KIRREL3: variants seen among roughly 807,000 people sequenced by gnomAD.
The protein encoded by KIRREL3 is kin of IRRE-like protein 3.
A neutral mutation model predicts 89.7 loss-of-function variants in KIRREL3; 36 were observed. That is an observed-to-expected ratio of 0.40 (90% CI 0.31 to 0.53). The LOEUF is 0.53. Among genes scored for constraint, KIRREL3 ranks in the 20% least tolerant of loss-of-function variants. The pLI, the probability that KIRREL3 is intolerant of heterozygous loss-of-function variation, is 0.49. For missense variants in KIRREL3, 864 were observed against 1,056.6 expected, an observed-to-expected ratio of 0.82 and a Z score of 2.53; for synonymous variants, 445 against 441.4, an observed-to-expected ratio of 1.01 and a Z score of -0.10.
chr11:126,547,685 G>A (rs960510782), intron 2 of KIRREL3, among the ~76,000 whole-genome samples: 7 of 152,174 alleles, frequency 4.6e-5, no homozygotes, highest in Non-Finnish European at 7.3e-5. Context: ...CAGAGGGGCC[G>A]CCTGAGTGGC....
At chr11:126,937,964 G>A (rs950022426) in intron 1 of KIRREL3, among the ~76,000 whole-genome samples, 1 of 152,204 alleles carries the variant, frequency 6.6e-6, no homozygotes, top group African/African-American at 2.4e-5. Flanking sequence ...GCAGTGGGTA[G>A]AAAGGGCCAA....
intron 1 of KIRREL3, among the ~76,000 whole-genome samples, chr11:126,854,126 T>TTGTGTGTGTGTGTGTG (rs375873911): frequency 2.1e-5 from 3 of 143,922 alleles, no homozygotes; most frequent in African/African-American, 5.2e-5. Flanking sequence ...AATAAGTTTC[T>TTGTGTGTGTGTGTGTG]TGTGTGTGTG....
At position 126,492,143 on chromosome 11, in the gene KIRREL3, C is replaced by T. The variant is rs1284424943; in HGVS notation, c.434-18677G>A. 6.6e-6 allele frequency among the ~76,000 whole-genome samples: 1 copy of T among 152,164 alleles called. No homozygotes were observed. Among genetic ancestry groups the T allele is most frequent in the African/African-American group, 2.4e-5 (1 of 41,438 alleles). The stretch of plus-strand genomic sequence containing the variant: ...GGACAAAAGGATAAGTTGCAGAGGG[C>T]CACCGAGGAACTGGGAGGATGATCT... On this transcript the variant is annotated intron_variant, in intron 4 of 16. Coordinates refer to ENST00000525144, the MANE Select transcript of KIRREL3 (RefSeq NM_032531.4). This position sits in a 1 kb window ranked among gnomAD's most constrained non-coding sequence, Gnocchi z 4.8.
In KIRREL3 at chr11:126,904,986, A is replaced by G. The variant is rs1051651123; in HGVS notation, c.55+95469T>C. Reference sequence around the variant, plus strand: ...TGATACAGAAATAGTGTGTAAAAAAATTCATCTTCAGATGGGTATTTGTGG... The same window carrying G: ...TGATACAGAAATAGTGTGTAAAAAAGTTCATCTTCAGATGGGTATTTGTGG... On this transcript the variant is annotated intron_variant, in intron 1 of 16. Transcript: ENST00000525144. This position sits in a 1 kb window ranked among gnomAD's most constrained non-coding sequence, Gnocchi z 4.4. 1.3e-5 allele frequency among the ~76,000 whole-genome samples: 2 copies of G among 152,192 alleles called. No individual in the cohort carries two copies. The highest frequency in any genetic ancestry group is 4.8e-5 in the African/African-American group (2 of 41,440).
At chr11:126,466,378 C>T (rs961644142) in intron 5 of KIRREL3, among the ~76,000 whole-genome samples, 5 of 152,244 alleles carry the variant, frequency 3.3e-5, no homozygotes, top group Non-Finnish European at 7.3e-5. Context: ...GCGGGGGACC[C>T]CAGGCCCCGT....
Position 126,490,200 on chromosome 11 carries a change from T to TTGTGTGTGTG in KIRREL3, c.434-16744_434-16735dup, listed in dbSNP as rs10609593. On this transcript the variant is annotated intron_variant, in intron 4 of 16. Transcript: ENST00000525144. The surrounding 1 kb of genome is among the most constrained non-coding windows in gnomAD (Gnocchi z 4.2). The stretch of plus-strand genomic sequence containing the variant: ...TATTTGCATTTGGCTTTGGAATGCA[T>TTGTGTGTGTG]TGTGTGTGTGTGTGTGTGTGTGTGT... Among the ~76,000 whole-genome samples the TTGTGTGTGTG allele has an allele frequency of 1.4e-5, 2 of 140,986 alleles. No homozygotes were observed. The highest frequency in any genetic ancestry group is 5.4e-5 in the African/African-American group (2 of 36,720). The allele number at this position is 140,986 out of a possible 152,430, so 92.5% of individuals were successfully genotyped here. A position where few individuals can be genotyped will look rare whatever the true frequency, so the allele number is the denominator to read the frequency against.
At chr11:126,823,733 C>T (rs1404832808) in intron 1 of KIRREL3, among the ~76,000 whole-genome samples, 1 of 152,130 alleles carries the variant, frequency 6.6e-6, no homozygotes, top group Non-Finnish European at 1.5e-5. Context: ...TAGAAAACAA[C>T]AAAAGAAGGG....
At chr11:126,512,240 C>T (rs919488581) in intron 4 of KIRREL3, among the ~76,000 whole-genome samples, 2 of 152,250 alleles carry the variant, frequency 1.3e-5, no homozygotes, top group African/African-American at 4.8e-5. Context: ...GATCCCCTGA[C>T]CGGATGTTCT....
At position 126,492,595 on chromosome 11, in the gene KIRREL3, G is replaced by A. The variant is rs187989921; in HGVS notation, c.434-19129C>T. ...CAATTGCCACCGCCACACAGCAAGC[G>A]TCACCTCAGCTGTTGGAGGGGAACA... On this transcript the variant is annotated intron_variant, in intron 4 of 16. Transcript: ENST00000525144. This position sits in a 1 kb window ranked among gnomAD's most constrained non-coding sequence, Gnocchi z 4.8. Among the ~76,000 whole-genome samples the A allele has an allele frequency of 2.0e-3, 299 of 152,260 alleles. No homozygotes were observed. The highest frequency in any genetic ancestry group is 6.7e-3 in the African/African-American group (277 of 41,546).
At chr11:126,634,413 A>T (rs1319449185) in intron 1 of KIRREL3, among the ~76,000 whole-genome samples, 1 of 152,104 alleles carries the variant, frequency 6.6e-6, no homozygotes, top group Non-Finnish European at 1.5e-5. Context: ...TCATCACAAT[A>T]CCATAGTTTT....
intron 1 of KIRREL3, among the ~76,000 whole-genome samples, chr11:126,775,880 C>T (rs570790009): frequency 1.3e-5 from 2 of 152,264 alleles, no homozygotes; most frequent in East Asian, 1.9e-4. Context: ...TGGCAATGTC[C>T]GTGCTCTTTT....
At position 126,594,314 on chromosome 11, in the gene KIRREL3, G is replaced by A. The variant is rs1382931497; in HGVS notation, c.56-31402C>T. ...ATTCATGGCGTACTGTGATTTTTTTGTTGTTGCTATGGTCCTTTCTACCTG... is the reference window on the plus strand; with the variant it reads ...ATTCATGGCGTACTGTGATTTTTTTATTGTTGCTATGGTCCTTTCTACCTG... On this transcript the variant is annotated intron_variant, in intron 1 of 16. Coordinates refer to ENST00000525144, the MANE Select transcript of KIRREL3 (RefSeq NM_032531.4). The surrounding 1 kb of genome is among the most constrained non-coding windows in gnomAD (Gnocchi z 5.0). Among the ~76,000 whole-genome samples, 3 of 149,582 alleles carry A rather than the reference G, an allele frequency of 2.0e-5. No individual in the cohort carries two copies. The highest frequency in any genetic ancestry group is 4.5e-5 in the Non-Finnish European group (3 of 66,810).
chr11:126,446,731 T>C (rs373953746), intron 9 of KIRREL3, 28 bp downstream of exon 9: 2 of 1,583,572 alleles, frequency 1.3e-6, no homozygotes, highest in African/African-American at 1.3e-5. Context: ...CTGCCAGAGG[T>C]GCCCCGAGGT....
chr11:126,654,641 G>T (rs1683034347), intron 1 of KIRREL3, among the ~76,000 whole-genome samples: 1 of 152,064 alleles, frequency 6.6e-6, no homozygotes, highest in African/African-American at 2.4e-5. Flanking sequence ...CTGTCTGGAG[G>T]GGTTGTCTAG....
In KIRREL3 at chr11:126,729,094, G is replaced by T. The variant is rs2134189306; in HGVS notation, c.56-166182C>A. Reference sequence around the variant, plus strand: ...CCCTCTAGGCCAGAAAACACAACTGGGCCATCTTCCCTCATCTCTAGCAGA... The same window carrying T: ...CCCTCTAGGCCAGAAAACACAACTGTGCCATCTTCCCTCATCTCTAGCAGA... On this transcript the variant is annotated intron_variant, in intron 1 of 16. Transcript: ENST00000525144. This position sits in a 1 kb window ranked among gnomAD's most constrained non-coding sequence, Gnocchi z 4.5. Among the ~76,000 whole-genome samples the T allele has an allele frequency of 6.6e-6, 1 of 152,268 alleles. No homozygotes were observed. Among genetic ancestry groups the T allele is most frequent in the East Asian group, 1.9e-4 (1 of 5,164 alleles).
intron 1 of KIRREL3, among the ~76,000 whole-genome samples, chr11:126,880,158 C>A (rs188981543): frequency 4.4e-4 from 67 of 152,246 alleles, no homozygotes; most frequent in African/African-American, 1.4e-3. Context: ...ACCTTGGGTG[C>A]GGCTGTAAGT....
Position 126,430,702 on chromosome 11 carries a change from G to A in KIRREL3, c.1696+717C>T, listed in dbSNP as rs559556179. Among the ~76,000 whole-genome samples, 2 of 152,234 alleles carry A rather than the reference G, an allele frequency of 1.3e-5. No homozygotes were observed. Among genetic ancestry groups the A allele is most frequent in the East Asian group, 1.9e-4 (1 of 5,178 alleles). Reference sequence around the variant, plus strand: ...ATTTTTTGCATTACACTTATATAATGTTAGTGCCAGATGGGGCCATCAGAG... The same window carrying A: ...ATTTTTTGCATTACACTTATATAATATTAGTGCCAGATGGGGCCATCAGAG... On this transcript the variant is annotated intron_variant, in intron 14 of 16. Coordinates refer to ENST00000525144, the MANE Select transcript of KIRREL3 (RefSeq NM_032531.4). This position sits in a 1 kb window ranked among gnomAD's most constrained non-coding sequence, Gnocchi z 6.6.
chr11:126,687,282 G>T lies in KIRREL3; in HGVS notation c.56-124370C>A, dbSNP rs528621417. Reference sequence around the variant, plus strand: ...GCAAATTCAGAGTCACCCTAACTTGGGTCATTTGCATCACAAAATTGCCTT... The same window carrying T: ...GCAAATTCAGAGTCACCCTAACTTGTGTCATTTGCATCACAAAATTGCCTT... On this transcript the variant is annotated intron_variant, in intron 1 of 16. Coordinates refer to ENST00000525144, the MANE Select transcript of KIRREL3 (RefSeq NM_032531.4). This position sits in a 1 kb window ranked among gnomAD's most constrained non-coding sequence, Gnocchi z 4.6. 2.6e-5 allele frequency among the ~76,000 whole-genome samples: 4 copies of T among 152,206 alleles called. No individual in the cohort carries two copies. Among genetic ancestry groups the T allele is most frequent in the African/African-American group, 9.6e-5 (4 of 41,512 alleles).
intron 1 of KIRREL3, among the ~76,000 whole-genome samples, chr11:126,941,150 C>T (rs4937219): frequency 0.46 from 70,282 of 151,948 alleles, 16,818 homozygotes; most frequent in Middle Eastern, 0.57. Flanking sequence ...ATTTCATCTG[C>T]ATAAAAATAC....
Sources: gnomAD v4.1 joint callset for allele counts (sites outside exome capture counted in the v4.1 genomes callset) on GRCh38, gnomAD v4.1.1 for gene constraint, Gnocchi (gnomAD v3.1) non-coding constraint, MANE v1.5 for transcripts, NCBI Gene and HGNC (gene_info 2026-07-23, HGNC 2026-07-21) for gene names.